AKAP19: variants seen among roughly 807,000 people sequenced by gnomAD.
The protein encoded by AKAP19 is A-kinase anchoring protein 19, also known as small A-kinase anchoring protein.
At chr2:189,947,978 A>G in the AKAP19 span, among the ~76,000 whole-genome samples, 6 of 152,166 alleles carry the variant, frequency 3.9e-5, no homozygotes, top group African/African-American at 1.4e-4. Context: ...ATTCATCATC[A>G]GTGTTGGGCT....
At chr2:190,098,000 A>G in the AKAP19 span, among the ~76,000 whole-genome samples, 1 of 152,080 alleles carries the variant, frequency 6.6e-6, no homozygotes, top group South Asian at 2.1e-4. Flanking sequence ...TTTCCATCAC[A>G]TCTGCAGTTA....
the AKAP19 span, among the ~76,000 whole-genome samples, chr2:190,063,858 G>A: frequency 6.6e-6 from 1 of 151,982 alleles, no homozygotes; most frequent in South Asian, 2.1e-4. Context: ...CCTTAGCTTT[G>A]GGAGCCACAA....
chr2:190,180,364 C>T, the AKAP19 span: 3 of 691,392 alleles, frequency 4.3e-6, no homozygotes, highest in South Asian at 1.9e-4. The surrounding 1 kb of genome is among the most constrained non-coding windows in gnomAD (Gnocchi z 6.8). Flanking sequence ...GCAGGCCCCG[C>T]GGGGGAGAGG....
chr2:190,025,758 C>T, the AKAP19 span, among the ~76,000 whole-genome samples: 1 of 152,314 alleles, frequency 6.6e-6, no homozygotes, highest in East Asian at 1.9e-4. Context: ...TAATCTGAGG[C>T]TCTCTTTGCC....
chr2:189,935,480 AG>A, the AKAP19 span, among the ~76,000 whole-genome samples: 1 of 152,090 alleles, frequency 6.6e-6, no homozygotes, highest in Admixed American at 6.5e-5. Context: ...GAATTAAATC[AG>A]TGAAAGTATG....
chr2:190,136,304 C>T, the AKAP19 span, among the ~76,000 whole-genome samples: 50 of 152,258 alleles, frequency 3.3e-4, no homozygotes, highest in Non-Finnish European at 6.8e-4. Context: ...GAAAGGAGTA[C>T]TCAGACACAG....
chr2:190,116,480 T>C, the AKAP19 span, among the ~76,000 whole-genome samples: 1 of 152,160 alleles, frequency 6.6e-6, no homozygotes, highest in African/African-American at 2.4e-5. Context: ...CACCGTAGCA[T>C]TGGGGATTAA....
the AKAP19 span, among the ~76,000 whole-genome samples, chr2:189,892,611 T>A: frequency 2.6e-5 from 4 of 152,164 alleles, no homozygotes; most frequent in Non-Finnish European, 2.9e-5. Context: ...GGAAGCTTCG[T>A]CCCAGATGGG....
At chr2:190,006,951 C>A in the AKAP19 span, among the ~76,000 whole-genome samples, 77 of 152,052 alleles carry the variant, frequency 5.1e-4, 2 homozygotes, top group South Asian at 0.016. Context: ...ACTGGTGGGG[C>A]AGAGGTTGCA....
At chr2:189,902,147 G>C in the AKAP19 span, among the ~76,000 whole-genome samples, 1 of 151,796 alleles carries the variant, frequency 6.6e-6, no homozygotes, top group African/African-American at 2.4e-5. Flanking sequence ...TTATGTTTCT[G>C]TGAAGACTAG....
chr2:190,051,441 C>A, the AKAP19 span, among the ~76,000 whole-genome samples: 1 of 152,136 alleles, frequency 6.6e-6, no homozygotes, highest in African/African-American at 2.4e-5. Context: ...GATGAGGAAT[C>A]TTTGGTGGAA....
chr2:190,084,516 T>G, the AKAP19 span, among the ~76,000 whole-genome samples: 1 of 152,214 alleles, frequency 6.6e-6, no homozygotes, highest in Non-Finnish European at 1.5e-5. Flanking sequence ...ATTGACTATT[T>G]TTTTGAGGCT....
chr2:189,923,504 T>G, the AKAP19 span: 1 of 1,613,876 alleles, frequency 6.2e-7, no homozygotes. Context: ...CTTCTTTCAG[T>G]ATGTTAATGA....
At chr2:190,007,216 A>G in the AKAP19 span, among the ~76,000 whole-genome samples, 1 of 152,200 alleles carries the variant, frequency 6.6e-6, no homozygotes, top group Non-Finnish European at 1.5e-5. Context: ...AAAACTTTCT[A>G]TGGGGTACAG....
At chr2:189,951,194 CTTTTTTT>C in the AKAP19 span, among the ~76,000 whole-genome samples, 3 of 60,428 alleles carry the variant, frequency 5.0e-5, no homozygotes, top group Middle Eastern at 0.019. Flanking sequence ...CTGAATCCTC[CTTTTTTT>C]TTTTTTTTTT....
the AKAP19 span, among the ~76,000 whole-genome samples, chr2:189,939,113 C>T: frequency 6.6e-6 from 1 of 152,130 alleles, no homozygotes; most frequent in South Asian, 2.1e-4. Context: ...CTGAGGACAG[C>T]CAGAGACAAA....
At chr2:190,046,731 G>A in the AKAP19 span, among the ~76,000 whole-genome samples, 1 of 152,148 alleles carries the variant, frequency 6.6e-6, no homozygotes. Context: ...TGCAGTTGTT[G>A]CAGGTATCTC....
the AKAP19 span, among the ~76,000 whole-genome samples, chr2:189,920,077 A>G: frequency 2.6e-5 from 4 of 152,232 alleles, no homozygotes; most frequent in African/African-American, 7.2e-5. Context: ...TTACTTTCCA[A>G]TCTACCATTT....
At chr2:190,004,379 C>T in the AKAP19 span, among the ~76,000 whole-genome samples, 5 of 152,246 alleles carry the variant, frequency 3.3e-5, no homozygotes, top group East Asian at 9.7e-4. Flanking sequence ...TCAAAGTCCT[C>T]CCCTAGTGTT....
Sources: gnomAD v4.1 joint callset for allele counts (sites outside exome capture counted in the v4.1 genomes callset) on GRCh38, gnomAD v4.1.1 for gene constraint, Gnocchi (gnomAD v3.1) non-coding constraint, MANE v1.5 for transcripts, NCBI Gene and HGNC (gene_info 2026-07-23, HGNC 2026-07-21) for gene names.